The following SNRNP70 variants were observed in gnomAD, a reference collection of about 807,000 sequenced individuals.
SNRNP70 encodes U1 small nuclear ribonucleoprotein 70 kDa.
A neutral mutation model predicts 50.5 loss-of-function variants in SNRNP70; 8 were observed. The ratio of observed to expected loss-of-function variants is 0.16; its 90% CI spans 0.09 to 0.29. The LOEUF is 0.29. SNRNP70 is among the 10% of genes least tolerant of loss of function. SNRNP70 has a pLI of 1.00. For missense variants in SNRNP70, 529 were observed against 663.5 expected (o/e 0.80, Z 2.23); for synonymous variants, 320 against 252.9 (o/e 1.27, Z -2.52).
At chr19:49,101,277 G>A (rs1329789635) in intron 6 of SNRNP70, 113 bp from the exon 7 acceptor site, 14 of 751,652 alleles carry the variant, frequency 1.9e-5, no homozygotes, top group Non-Finnish European at 3.1e-5. Context: ...TTGAAGGACA[G>A]AGAGGGTCTG....
chr19:49,086,573 G>T lies in SNRNP70; in HGVS notation c.147+12G>T. 1 of 1,613,478 alleles carries T rather than the reference G, an allele frequency of 6.2e-7. No homozygotes were observed. The highest frequency in any genetic ancestry group is 8.5e-7 in the Non-Finnish European group (1 of 1,179,606). Reference sequence around the variant, plus strand: ...TTCGAGAGTTTGAGGTGAGTTCACTGAGCAGGCCAGGAATGGTTTGGGTTC... The same window carrying T: ...TTCGAGAGTTTGAGGTGAGTTCACTTAGCAGGCCAGGAATGGTTTGGGTTC... On this transcript the variant is annotated intron_variant, in intron 2 of 9. Transcript: ENST00000598441.
intron 1 of SNRNP70, 25 bp downstream of exon 1, chr19:49,085,661 C>A: frequency 2.2e-6 from 1 of 455,762 alleles, no homozygotes; most frequent in Non-Finnish European, 4.4e-6. Flanking sequence ...CTGAGTGGCC[C>A]GACGGGGTGC....
At chr19:49,094,741 A>G (rs1417446471) in intron 4 of SNRNP70, among the ~76,000 whole-genome samples, 1 of 152,226 alleles carries the variant, frequency 6.6e-6, no homozygotes, top group Non-Finnish European at 1.5e-5. Context: ...GCTCCCGTCA[A>G]GGGGACGGTG....
At chr19:49,100,573 G>A (rs3795054) in intron 6 of SNRNP70, among the ~76,000 whole-genome samples, 8,860 of 152,132 alleles carry the variant, frequency 0.058, 467 homozygotes, top group Admixed American at 0.16. Context: ...TTGGGAGGCC[G>A]AGAAGGGCAG....
chr19:49,090,257 C>T lies in SNRNP70; in HGVS notation c.148-34C>T. On this transcript the variant is annotated intron_variant, in intron 2 of 9. Coordinates refer to ENST00000598441, the MANE Select transcript of SNRNP70 (RefSeq NM_003089.6). The stretch of plus-strand genomic sequence containing the variant: ...GTGTCCCTTGCCATTTCCCCCAGTC[C>T]TTCCCACCCTGTCACCTCTCTTCTT... The T allele has an allele frequency of 3.1e-6, 5 of 1,599,270 alleles. No homozygotes were observed. In the South Asian group the frequency reaches 5.5e-5, roughly 18 times the overall value.
At position 49,098,704 on chromosome 19, in the gene SNRNP70, A is replaced by G; in HGVS notation, c.393A>G (p.Arg131=). 6.2e-7 allele frequency: 1 copy of G among 1,613,134 alleles called. No homozygotes were observed. Among genetic ancestry groups the G allele is most frequent in the Non-Finnish European group, 8.5e-7 (1 of 1,179,156 alleles). The change falls in exon 6 of 10, where the codon AGA becomes AGG. Residue 131 remains arginine, a splice_region_variant and synonymous_variant. Transcript: ENST00000598441. ...REFEVYGPIK[R]IHMVYSKRSG... Reference sequence around the variant, plus strand: ...TTGAGGTGTACGGACCTATCAAAAGAGTAAGTGGAGTGGGTCAGGGTGTTT... The same window carrying G: ...TTGAGGTGTACGGACCTATCAAAAGGGTAAGTGGAGTGGGTCAGGGTGTTT...
At position 49,086,636 on chromosome 19, in the gene SNRNP70, G is replaced by C. The variant is rs896252049; in HGVS notation, c.147+75G>C. ...GGTTGGATTTGCGAGTCCAGCTTCT[G>C]GCCATTTTGCCAGCTGCGTGATTTA... On this transcript the variant is annotated intron_variant, in intron 2 of 9. Coordinates refer to ENST00000598441, the MANE Select transcript of SNRNP70 (RefSeq NM_003089.6). 1.1e-5 allele frequency: 15 copies of C among 1,412,924 alleles called. No individual in the cohort carries two copies. The Admixed American group carries it at 1.2e-4, about 12-fold the overall frequency. The allele number at this position is 1,412,924 out of a possible 1,614,324, so 87.5% of individuals were successfully genotyped here.
Position 49,108,243 on chromosome 19 carries a change from CGTGACCGTGACCGCGAGCACAAACGGG to C in SNRNP70, c.1116_1142del (p.Asp373_Gly381del). Reference sequence around the variant, plus strand: ...GCGGCGCCGGGACCGGGATCGTGACCGTGACCGTGACCGCGAGCACAAACGGGGGGAGCGGGGCAGTGAGCGGGGCAG... The same window carrying C: ...GCGGCGCCGGGACCGGGATCGTGACCGGGAGCGGGGCAGTGAGCGGGGCAG... On this transcript the variant is annotated inframe_deletion, in exon 10 of 10. Coordinates refer to ENST00000598441, the MANE Select transcript of SNRNP70 (RefSeq NM_003089.6). 6.5e-7 allele frequency: 1 copy of C among 1,542,000 alleles called. No homozygotes were observed. Among genetic ancestry groups the C allele is most frequent in the Non-Finnish European group, 8.7e-7 (1 of 1,143,578 alleles).
intron 2 of SNRNP70, among the ~76,000 whole-genome samples, chr19:49,089,392 G>T (rs1298768580): frequency 2.6e-5 from 4 of 151,862 alleles, no homozygotes; most frequent in African/African-American, 9.7e-5. Context: ...GCTTAGAATC[G>T]CTTGAACCTG....
chr19:49,095,497 C>T (rs146921585), intron 4 of SNRNP70, among the ~76,000 whole-genome samples: 25 of 151,704 alleles, frequency 1.6e-4, no homozygotes, highest in Non-Finnish European at 2.9e-4. Flanking sequence ...TCCTTATTTA[C>T]CTCTTTCATT....
intron 1 of SNRNP70, among the ~76,000 whole-genome samples, chr19:49,086,202 G>A (rs1159141146): frequency 1.3e-5 from 2 of 152,070 alleles, no homozygotes; most frequent in Non-Finnish European, 1.5e-5. Context: ...CGTTATTTTT[G>A]TTTTCTTTAC....
chr19:49,090,644 A>G (rs1600273024), intron 4 of SNRNP70, 124 bp downstream of exon 4: 1 of 899,246 alleles, frequency 1.1e-6, no homozygotes, highest in South Asian at 1.5e-5. Flanking sequence ...TTGTTAGTTC[A>G]TTTGTTTAGC....
rs1478790084 is a variant in SNRNP70, at chr19:49,108,128, GGAGCTCGGGCCTGACGGC to G, written c.1000_1017del (p.Glu334_Gly339del). On this transcript the variant is annotated inframe_deletion, in exon 10 of 10. Transcript: ENST00000598441. ...CGCCCCCTGATGATGGGCCTCCAGG[GGAGCTCGGGCCTGACGGC>G]CCTGACGGTCCAGAGGAAAAGGGCC... 1 of 1,547,162 alleles carries G rather than the reference GGAGCTCGGGCCTGACGGC, an allele frequency of 6.5e-7. No individual in the cohort carries two copies. Among genetic ancestry groups the G allele is most frequent in the Non-Finnish European group, 8.7e-7 (1 of 1,147,014 alleles).
Position 49,108,492 on chromosome 19 carries a change from C to T in SNRNP70, c.*49C>T, listed in dbSNP as rs2040716291. On this transcript the variant is annotated 3_prime_UTR_variant, in exon 10 of 10. Coordinates refer to ENST00000598441, the MANE Select transcript of SNRNP70 (RefSeq NM_003089.6). ...GTGTTTGGACGCGTTCCTGCCCAGC[C>T]CCTTGCTGTCATCCCCTCCCCCAAC... is the stretch of plus-strand genomic sequence containing the variant. 3 of 1,542,462 alleles carry T rather than the reference C, an allele frequency of 1.9e-6. No individual in the cohort carries two copies. The highest frequency in any genetic ancestry group is 2.6e-6 in the Non-Finnish European group (3 of 1,143,516).
chr19:49,089,950 C>T (rs1428432371), intron 2 of SNRNP70, among the ~76,000 whole-genome samples: 2 of 152,016 alleles, frequency 1.3e-5, no homozygotes, highest in Admixed American at 6.6e-5. Context: ...GGCGTGTGCA[C>T]TGCACCCGGC....
intron 6 of SNRNP70, among the ~76,000 whole-genome samples, chr19:49,100,955 C>G (rs186212819): frequency 6.6e-6 from 1 of 152,328 alleles, no homozygotes; most frequent in Non-Finnish European, 1.5e-5. Context: ...TCCTCAGCGA[C>G]CACACTTCTC....
chr19:49,098,181 A>G (rs2040536641), intron 4 of SNRNP70, among the ~76,000 whole-genome samples: 1 of 152,176 alleles, frequency 6.6e-6, no homozygotes, highest in Admixed American at 6.5e-5. Flanking sequence ...GCTTGAAGTC[A>G]GCCTTACCTC....
chr19:49,100,072 C>T lies in SNRNP70; in HGVS notation c.394-1318C>T, dbSNP rs186041918. On this transcript the variant is annotated intron_variant, in intron 6 of 9. Transcript: ENST00000598441. ...GGTTGTGTTTTGGAGGCTGTGGGGT[C>T]CCAGGTTCATCCATGATACAGGTTG... Among the ~76,000 whole-genome samples the T allele has an allele frequency of 1.3e-3, 195 of 152,284 alleles. 1 individual carries two copies. Among genetic ancestry groups the T allele is most frequent in the African/African-American group, 4.4e-3 (183 of 41,566 alleles).
rs1412752527 is a variant in SNRNP70, at chr19:49,108,003, A to G, written c.874A>G (p.Ser292Gly). The G allele has an allele frequency of 1.3e-6, 2 of 1,547,720 alleles. No individual in the cohort carries two copies. The highest frequency in any genetic ancestry group is 2.0e-5 in the Admixed American group (1 of 50,816). ...KDKDRDRKRRSSRSRERARRE... is the reference protein window; with the variant it reads ...KDKDRDRKRRGSRSRERARRE... ...CAAGGACCGGGACCGGAAGCGGCGA[A>G]GCAGCCGGAGTCGGGAGCGGGCCCG... The change falls in exon 10 of 10, where the codon AGC becomes GGC. Residue 292 changes from serine (S) to glycine (G), a missense_variant. Coordinates refer to ENST00000598441, the MANE Select transcript of SNRNP70 (RefSeq NM_003089.6).
Sources: allele counts gnomAD v4.1 joint callset (sites outside exome capture counted in the v4.1 genomes callset), GRCh38; gene constraint gnomAD v4.1.1; transcripts MANE v1.5; gene names NCBI Gene and HGNC (gene_info 2026-07-23, HGNC 2026-07-21).